The following ASIC2 variants were observed in gnomAD, a reference collection of about 807,000 sequenced individuals.
ASIC2 encodes acid-sensing ion channel 2.
A neutral mutation model predicts 57.3 loss-of-function variants in ASIC2; 25 were observed. The ratio of observed to expected loss-of-function variants is 0.44; its 90% CI spans 0.32 to 0.61. The LOEUF is 0.61. Among genes scored for constraint, ASIC2 ranks in the 20% least tolerant of loss-of-function variants. The pLI is 0.06. For missense variants in ASIC2, 641 were observed against 738.1 expected (o/e 0.87, Z 1.52); for synonymous variants, 319 against 307.5 (o/e 1.04, Z -0.39).
chr17:33,119,020 G>T (rs4598958), intron 1 of ASIC2, among the ~76,000 whole-genome samples: 8,821 of 152,038 alleles, frequency 0.058, 659 homozygotes, highest in African/African-American at 0.17. Flanking sequence ...ATGAAGACAC[G>T]GTTTTCTGGT....
intron 1 of ASIC2, among the ~76,000 whole-genome samples, chr17:33,522,847 A>G (rs1914783018): frequency 1.3e-5 from 2 of 152,170 alleles, no homozygotes; most frequent in South Asian, 4.1e-4. Flanking sequence ...TGGCATCGCA[A>G]TATCCCTGAA....
chr17:33,044,180 T>C (rs2141920751), intron 3 of ASIC2, among the ~76,000 whole-genome samples: 1 of 151,998 alleles, frequency 6.6e-6, no homozygotes, highest in South Asian at 2.1e-4. Context: ...TTTGATGTCA[T>C]AAGAGCCTCT....
chr17:33,098,550 G>A (rs117293206), intron 2 of ASIC2, among the ~76,000 whole-genome samples: 1,886 of 152,252 alleles, frequency 0.012, 21 homozygotes, highest in Non-Finnish European at 0.018. Context: ...GGGTGGCAGC[G>A]TGATGCAGCA....
In ASIC2 at chr17:33,807,545, G is replaced by GTC. The variant is rs999695611; in HGVS notation, c.555+348431_555+348432dup. Among the ~76,000 whole-genome samples the GTC allele has an allele frequency of 8.6e-5, 13 of 151,792 alleles. No homozygotes were observed. The East Asian group carries it at 2.5e-3, about 29-fold the overall frequency. ...ACCAGAGGGAGTAATTCAGGGTTCA[G>GTC]TCTCTCTCTCTCTCTTTCTTTCCCT... is the stretch of plus-strand genomic sequence containing the variant. On this transcript the variant is annotated intron_variant, in intron 1 of 9. Transcript: ENST00000359872.
chr17:33,699,254 T>C (rs1162661875), intron 1 of ASIC2, among the ~76,000 whole-genome samples: 1 of 152,162 alleles, frequency 6.6e-6, no homozygotes, highest in East Asian at 1.9e-4. Context: ...GAGAAGAGAA[T>C]TGATGCACCC....
chr17:33,433,818 T>C (rs550711622), intron 1 of ASIC2, among the ~76,000 whole-genome samples: 1 of 151,328 alleles, frequency 6.6e-6, no homozygotes, highest in South Asian at 2.1e-4. Flanking sequence ...ACAAAAAATC[T>C]CCATGACACA....
At chr17:33,771,122 T>A (rs28463666) in intron 1 of ASIC2, among the ~76,000 whole-genome samples, 71,967 of 152,058 alleles carry the variant, frequency 0.47, 20,633 homozygotes, top group Non-Finnish European at 0.65. Context: ...ACATAGTAAC[T>A]TACTATGGCA....
intron 1 of ASIC2, among the ~76,000 whole-genome samples, chr17:34,080,576 T>C (rs1038644945): frequency 5.3e-5 from 8 of 152,180 alleles, no homozygotes; most frequent in African/African-American, 1.4e-4. Flanking sequence ...AACATTAGCC[T>C]GAGAGGTACC....
chr17:33,384,966 C>G (rs1334457472), intron 1 of ASIC2, among the ~76,000 whole-genome samples: 1 of 152,196 alleles, frequency 6.6e-6, no homozygotes, highest in African/African-American at 2.4e-5. Flanking sequence ...AGTGAATGCT[C>G]TAAAGTCAGA....
intron 1 of ASIC2, among the ~76,000 whole-genome samples, chr17:33,712,892 G>A (rs528222172): frequency 1.3e-5 from 2 of 151,994 alleles, no homozygotes; most frequent in East Asian, 1.9e-4. Context: ...TGATCCGCCC[G>A]CCTCGGCCTC....
At chr17:33,734,066 T>C (rs1382230438) in intron 1 of ASIC2, among the ~76,000 whole-genome samples, 1 of 151,816 alleles carries the variant, frequency 6.6e-6, no homozygotes, top group African/African-American at 2.4e-5. Flanking sequence ...ACTGAGAAAA[T>C]AGAAGCAATC....
At chr17:33,737,571 C>T (rs956127296) in intron 1 of ASIC2, among the ~76,000 whole-genome samples, 2 of 152,236 alleles carry the variant, frequency 1.3e-5, no homozygotes, top group Non-Finnish European at 2.9e-5. Context: ...CTTCTTTGAA[C>T]TTCAGATTCC....
At chr17:34,012,214 C>T (rs1906793681) in intron 1 of ASIC2, among the ~76,000 whole-genome samples, 2 of 152,128 alleles carry the variant, frequency 1.3e-5, no homozygotes, top group African/African-American at 2.4e-5. Context: ...TCCAGGCCCC[C>T]GAACCACCAT....
chr17:33,309,019 A>C (rs891906620), intron 1 of ASIC2, among the ~76,000 whole-genome samples: 1 of 152,190 alleles, frequency 6.6e-6, no homozygotes, highest in Admixed American at 6.5e-5. Context: ...CCACACTGCA[A>C]CTAGGGATAA....
At chr17:34,105,119 G>A (rs1910997512) in intron 1 of ASIC2, among the ~76,000 whole-genome samples, 1 of 151,968 alleles carries the variant, frequency 6.6e-6, no homozygotes, top group Admixed American at 6.5e-5. Context: ...TTTTTTTCAT[G>A]GGTATAGTTA....
intron 1 of ASIC2, among the ~76,000 whole-genome samples, chr17:33,745,579 A>G (rs557093416): frequency 1.3e-5 from 2 of 152,220 alleles, no homozygotes; most frequent in East Asian, 1.9e-4. Flanking sequence ...GGGAAACCCA[A>G]TAAGATTAAC....
chr17:33,311,146 G>A (rs2065655803), intron 1 of ASIC2, among the ~76,000 whole-genome samples: 3 of 152,200 alleles, frequency 2.0e-5, no homozygotes, highest in Admixed American at 1.3e-4. Context: ...GGCACCTGCT[G>A]TGTGCAAGGT....
Position 33,777,568 on chromosome 17 carries a change from A to C in ASIC2, c.555+378410T>G, listed in dbSNP as rs575040913. On this transcript the variant is annotated intron_variant, in intron 1 of 9. Transcript: ENST00000359872. ...ACAACTGGGCTGCAGACTGAGCTCA[A>C]GCAAAAGTCATGTGGGAACCTGGTT... Among the ~76,000 whole-genome samples, 47 of 152,288 alleles carry C rather than the reference A, an allele frequency of 3.1e-4. No individual in the cohort carries two copies. In the South Asian group the frequency reaches 4.8e-3, roughly 15 times the overall value.
intron 1 of ASIC2, among the ~76,000 whole-genome samples, chr17:33,162,311 G>A (rs538710815): frequency 8.3e-4 from 126 of 152,306 alleles, no homozygotes; most frequent in Non-Finnish European, 1.3e-3. Flanking sequence ...GGGATGCTCA[G>A]ATGACACTTG....
Sources: gnomAD v4.1 joint callset for allele counts (sites outside exome capture counted in the v4.1 genomes callset) on GRCh38, gnomAD v4.1.1 for gene constraint, MANE v1.5 for transcripts, NCBI Gene and HGNC (gene_info 2026-07-23, HGNC 2026-07-21) for gene names.